TACR2: variants seen among roughly 807,000 people sequenced by gnomAD.
TACR2 encodes substance-K receptor.
A neutral mutation model predicts 28.9 loss-of-function variants in TACR2; 24 were observed. That is an observed-to-expected ratio of 0.83 (90% CI 0.60 to 1.17). The LOEUF (loss-of-function observed/expected upper bound fraction) is 1.17, where lower values mean the gene tolerates loss of function less well. TACR2 is among the 50% of genes most tolerant of loss of function. TACR2 has a pLI of 0.00. For missense variants in TACR2, 487 were observed against 524.4 expected (o/e 0.93, Z 0.70); for synonymous variants, 222 against 212.6 (o/e 1.04, Z -0.38).
chr10:69,405,191 GTCTC>G lies in TACR2; in HGVS notation c.939-111_939-108del, dbSNP rs1840491169. On this transcript the variant is annotated intron_variant, in intron 4 of 4. Transcript: ENST00000373306. ...GACTCCCTTCCAGAGGAAAGTCACT[GTCTC>G]TCTCCAAGAGCCTCCCATGGCTCAG... is the stretch of plus-strand genomic sequence containing the variant. 36 of 922,602 alleles carry G rather than the reference GTCTC, an allele frequency of 3.9e-5. No individual in the cohort carries two copies. The South Asian group carries it at 4.9e-4, about 12-fold the overall frequency. The allele number at this position is 922,602 out of a possible 1,614,324, so 57.2% of individuals were successfully genotyped here.
At chr10:69,409,910 T>TATAC in intron 2 of TACR2, among the ~76,000 whole-genome samples, 1 of 21,966 alleles carries the variant, frequency 4.6e-5, no homozygotes, top group Non-Finnish European at 8.8e-5. Flanking sequence ...TATACATATA[T>TATAC]ATATATATAT....
At chr10:69,406,134 A>AATGGCATT (rs1425359833) in intron 4 of TACR2, among the ~76,000 whole-genome samples, 6 of 152,148 alleles carry the variant, frequency 3.9e-5, no homozygotes, top group African/African-American at 1.4e-4. Flanking sequence ...CAAAGATCCC[A>AATGGCATT]ATGGCATTAT....
rs199726726 is a variant in TACR2, at chr10:69,416,064, G to T, written c.260C>A (p.Ala87Asp). The T allele has an allele frequency of 1.2e-5, 19 of 1,614,184 alleles. No individual in the cohort carries two copies. The Admixed American group carries it at 1.3e-4, about 11-fold the overall frequency. The change falls in exon 1 of 5, where the codon GCC becomes GAC. Residue 87 changes from alanine (A) to aspartate (D), a missense_variant. Physicochemically the swap from Ala to Asp is moderately radical, Grantham distance 126. Coordinates refer to ENST00000373306, the MANE Select transcript of TACR2 (RefSeq NM_001057.3). ...GCTGGCATAGACAAAGTTGAAGGCG[G>T]CATTGAAGGCAGCCATGCAGAGGTC... ...LADLCMAAFN[A>D]AFNFVYASHN... is the part of the protein sequence containing the mutation.
At position 69,407,356 on chromosome 10, in the gene TACR2, A is replaced by T. The variant is rs12259583; in HGVS notation, c.742-76T>A. 2.7e-3 allele frequency: 3,729 copies of T among 1,398,420 alleles called. 79 individuals carry two copies. In the African/African-American group the frequency reaches 0.049, roughly 18 times the overall value. 86.6% of individuals were successfully genotyped at this position (1,398,420 alleles called of 1,614,324 possible). On this transcript the variant is annotated intron_variant, in intron 3 of 4. Transcript: ENST00000373306. ...AGCCCTCCGAGGGCAGACACAGAGG[A>T]CCCCTTGCACCCACCTGGGAACTGC...
chr10:69,416,051 A>G lies in TACR2; in HGVS notation c.273T>C (p.Phe91=), dbSNP rs559968614. Residue 91 remains phenylalanine (F), a synonymous_variant, in exon 1 of 5, where the codon TTT becomes TTC. Coordinates refer to ENST00000373306, the MANE Select transcript of TACR2 (RefSeq NM_001057.3). ...ACCAGATGTTGTGGCTGGCATAGAC[A>G]AAGTTGAAGGCGGCATTGAAGGCAG... The part of the protein sequence containing the change: ...CMAAFNAAFN[F]VYASHNIWYF... 3 of 1,614,218 alleles carry G rather than the reference A, an allele frequency of 1.9e-6. No individual in the cohort carries two copies. Among genetic ancestry groups the G allele is most frequent in the South Asian group, 2.2e-5 (2 of 91,082 alleles).
Position 69,408,902 on chromosome 10 carries a change from GC to G in TACR2, c.741+19del. On this transcript the variant is annotated intron_variant, in intron 3 of 4. Coordinates refer to ENST00000373306, the MANE Select transcript of TACR2 (RefSeq NM_001057.3). The stretch of plus-strand genomic sequence containing the variant: ...CCCCTCCAGGCCCCGCCCCCTCCAG[GC>G]CCCCGCCCCCGCGCCCACCTTCTTC... The G allele has an allele frequency of 8.7e-7, 1 of 1,146,200 alleles. No individual in the cohort carries two copies. Among genetic ancestry groups the G allele is most frequent in the East Asian group, 4.0e-5 (1 of 25,054 alleles). 71.0% of individuals were successfully genotyped at this position (1,146,200 alleles called of 1,614,324 possible).
rs1840550912 is a variant in TACR2 at position 69,409,904 on chromosome 10, C to CATATATACATATATATATATATACAT, written c.588-830_588-829insATGTATATATATATATATGTATATAT. 6.6e-4 allele frequency among the ~76,000 whole-genome samples: 23 copies of CATATATACATATATATATATATACAT among 34,610 alleles called. No homozygotes were observed. In the East Asian group the frequency reaches 6.9e-3, roughly 10 times the overall value. 22.7% of individuals were successfully genotyped at this position (34,610 alleles called of 152,430 possible). On this transcript the variant is annotated intron_variant, in intron 2 of 4. Coordinates refer to ENST00000373306, the MANE Select transcript of TACR2 (RefSeq NM_001057.3). ...ATACATATATACATATATATATATA[C>CATATATACATATATATATATATACAT]ATATATATATATATATATATATATA...
At chr10:69,406,871 T>C (rs577911563) in intron 4 of TACR2, among the ~76,000 whole-genome samples, 3 of 152,026 alleles carry the variant, frequency 2.0e-5, no homozygotes, top group African/African-American at 7.2e-5. Flanking sequence ...CGGTGAGGAT[T>C]TGGGGAGGAA....
Position 69,404,626 on chromosome 10 carries a change from C to T in TACR2, c.*200G>A, listed in dbSNP as rs146376668. On this transcript the variant is annotated 3_prime_UTR_variant, in exon 5 of 5. Transcript: ENST00000373306. ...GGAAGTGTTGTGTGCAAAGAGATCACATGGTGAGAGAGGAAGCAAGACAGG... is the reference window on the plus strand; with the variant it reads ...GGAAGTGTTGTGTGCAAAGAGATCATATGGTGAGAGAGGAAGCAAGACAGG... 31 of 417,774 alleles carry T rather than the reference C, an allele frequency of 7.4e-5. No individual in the cohort carries two copies. The highest frequency in any genetic ancestry group is 1.1e-4 in the Non-Finnish European group (25 of 236,952). The allele number at this position is 417,774 out of a possible 1,614,324, so 25.9% of individuals were successfully genotyped here. A position where few individuals can be genotyped will look rare whatever the true frequency, so the allele number is the denominator to read the frequency against.
At chr10:69,415,866 A>T in intron 1 of TACR2, 66 bp downstream of exon 1, 1 of 1,560,760 alleles carries the variant, frequency 6.4e-7, no homozygotes, top group Non-Finnish European at 8.7e-7. Flanking sequence ...CAGGCATGTC[A>T]CCACCCTTAT....
chr10:69,409,890 CATATATATATATACATATATATATAT>C (rs1182999591), intron 2 of TACR2, among the ~76,000 whole-genome samples: 6 of 35,354 alleles, frequency 1.7e-4, no homozygotes, highest in East Asian at 1.6e-3. Context: ...TACATATATA[CATATATATATATACATATATATATAT>C]ATATATATAT....
chr10:69,405,096 AG>A lies in TACR2; in HGVS notation c.939-13del, dbSNP rs1376972903. On this transcript the variant is annotated splice_polypyrimidine_tract_variant and intron_variant, in intron 4 of 4. Coordinates refer to ENST00000373306, the MANE Select transcript of TACR2 (RefSeq NM_001057.3). ...ATCCAGAGCGAAACCTGGGGGAGCG[AG>A]GGGCACCTTGAGCCAGGGAGTTAGG... 1 of 1,611,588 alleles carries A rather than the reference AG, an allele frequency of 6.2e-7. No homozygotes were observed. The highest frequency in any genetic ancestry group is 2.2e-5 in the East Asian group (1 of 44,844).
chr10:69,410,643 G>A (rs1840562973), intron 2 of TACR2, among the ~76,000 whole-genome samples: 1 of 152,060 alleles, frequency 6.6e-6, no homozygotes, highest in African/African-American at 2.4e-5. Flanking sequence ...TCTGCAGTGG[G>A]AACCTGTGGA....
In TACR2 at chr10:69,415,049, G is replaced by T; in HGVS notation, c.483C>A (p.Ala161=). Reference sequence around the variant, plus strand: ...AGTAGAAGCACTGAGGGGAGGCCAGGGCGAGAGCCACCAGCCAGATGCCAG... The same window carrying T: ...AGTAGAAGCACTGAGGGGAGGCCAGTGCGAGAGCCACCAGCCAGATGCCAG... ...VIAGIWLVAL[A]LASPQCFYST... The change falls in exon 2 of 5, where the codon GCC becomes GCA. Residue 161 remains alanine (A), a synonymous_variant. Coordinates refer to ENST00000373306, the MANE Select transcript of TACR2 (RefSeq NM_001057.3). 6.2e-7 allele frequency: 1 copy of T among 1,613,844 alleles called. No individual in the cohort carries two copies. Among genetic ancestry groups the T allele is most frequent in the African/African-American group, 1.3e-5 (1 of 75,040 alleles).
At position 69,416,396 on chromosome 10, in the gene TACR2, C is replaced by T. The variant is rs868766006; in HGVS notation, c.-73G>A. The T allele has an allele frequency of 6.6e-7, 1 of 1,522,328 alleles. No individual in the cohort carries two copies. Among genetic ancestry groups the T allele is most frequent in the Non-Finnish European group, 8.8e-7 (1 of 1,135,896 alleles). The allele number at this position is 1,522,328 out of a possible 1,614,324, so 94.3% of individuals were successfully genotyped here. A position where few individuals can be genotyped will look rare whatever the true frequency, so the allele number is the denominator to read the frequency against. Reference sequence around the variant, plus strand: ...CGGATTTGCTATGAAAGAGAACTCCCCTTCAGAGCATGGGAATATGGGGGC... The same window carrying T: ...CGGATTTGCTATGAAAGAGAACTCCTCTTCAGAGCATGGGAATATGGGGGC... On this transcript the variant is annotated 5_prime_UTR_variant, in exon 1 of 5. Transcript: ENST00000373306.
At chr10:69,405,511 C>G (rs1359181796) in intron 4 of TACR2, among the ~76,000 whole-genome samples, 2 of 152,178 alleles carry the variant, frequency 1.3e-5, no homozygotes, top group African/African-American at 4.8e-5. Context: ...AACAAGGATG[C>G]TTTTCCCAAG....
intron 2 of TACR2, among the ~76,000 whole-genome samples, chr10:69,412,870 CG>C (rs1351513461): frequency 6.6e-6 from 1 of 152,150 alleles, no homozygotes; most frequent in African/African-American, 2.4e-5. Flanking sequence ...TCACTCTTGT[CG>C]CCCAGGCTGG....
Position 69,404,750 on chromosome 10 carries a change from C to G in TACR2, c.*76G>C. 1 of 673,602 alleles carries G rather than the reference C, an allele frequency of 1.5e-6. No homozygotes were observed. Among genetic ancestry groups the G allele is most frequent in the South Asian group, 2.4e-5 (1 of 42,080 alleles). The allele number at this position is 673,602 out of a possible 1,614,324, so 41.7% of individuals were successfully genotyped here. On this transcript the variant is annotated 3_prime_UTR_variant, in exon 5 of 5. Transcript: ENST00000373306. ...TTCACTTCAACTGGAAGGCATTAAT[C>G]TATTCATAAGGGATCCATCCCCAAT...
intron 2 of TACR2, among the ~76,000 whole-genome samples, chr10:69,414,028 G>C (rs1840590349): frequency 6.6e-6 from 1 of 152,188 alleles, no homozygotes; most frequent in Non-Finnish European, 1.5e-5. Flanking sequence ...GCCACGACTT[G>C]GGCCTGACTG....
Sources: gnomAD v4.1 joint callset for allele counts (sites outside exome capture counted in the v4.1 genomes callset) on GRCh38, gnomAD v4.1.1 for gene constraint, MANE v1.5 for transcripts, NCBI Gene and HGNC (gene_info 2026-07-23, HGNC 2026-07-21) for gene names.